EYS: variants seen among roughly 807,000 people sequenced by gnomAD.
EYS encodes protein eyes shut homolog.
In EYS, 250 loss-of-function variants were observed where a neutral mutation model predicts 282.1. That is an observed-to-expected ratio of 0.89 (90% CI 0.80 to 0.98). EYS has a LOEUF of 0.98. Ranked by LOEUF, EYS falls within the 50% of genes least tolerant of loss-of-function variation. The pLI is 0.00. For missense variants in EYS, 4,016 were observed against 3,709.0 expected (o/e 1.08, Z -2.15); for synonymous variants, 1,355 against 1,282.9 (o/e 1.06, Z -1.20).
Position 63,720,806 on chromosome 6 carries a change from G to A in EYS, c.9225C>T (p.Asn3075=). Residue 3075 remains asparagine, a synonymous_variant, in exon 43 of 43, where the codon AAC becomes AAT. Coordinates refer to ENST00000503581, the MANE Select transcript of EYS (RefSeq NM_001142800.2). Reference sequence around the variant, plus strand: ...TGCCATCATAGTTTAGAGCCACAAAGTTTTTATGTGGATCAATATCCTCGG... The same window carrying A: ...TGCCATCATAGTTTAGAGCCACAAAATTTTTATGTGGATCAATATCCTCGG... ...ILSEDIDPHK[N]FVALNYDGIC... 1.3e-6 allele frequency: 2 copies of A among 1,550,906 alleles called. No individual in the cohort carries two copies. Among genetic ancestry groups the A allele is most frequent in the Non-Finnish European group, 1.7e-6 (2 of 1,146,458 alleles).
chr6:65,153,780 A>T (rs1764672832), intron 12 of EYS, among the ~76,000 whole-genome samples: 1 of 151,812 alleles, frequency 6.6e-6, no homozygotes, highest in Admixed American at 6.6e-5. Context: ...TCATGTAAAA[A>T]TTCTTTAGAC....
chr6:65,597,782 G>A (rs999605151), intron 2 of EYS, among the ~76,000 whole-genome samples: 24 of 152,090 alleles, frequency 1.6e-4, no homozygotes, highest in Middle Eastern at 3.4e-3. Flanking sequence ...TTCCATTCAG[G>A]TGGAAGGTAC....
chr6:65,067,739 C>T (rs1239638278), intron 12 of EYS, among the ~76,000 whole-genome samples: 3 of 152,048 alleles, frequency 2.0e-5, no homozygotes, highest in African/African-American at 2.4e-5. Flanking sequence ...GACAGGATAA[C>T]GCAAAAGTAC....
chr6:65,333,211 C>T (rs1025411786), intron 11 of EYS, among the ~76,000 whole-genome samples: 4 of 151,456 alleles, frequency 2.6e-5, no homozygotes, highest in Admixed American at 6.6e-5. Flanking sequence ...CACTGCATCA[C>T]CCACATCCCA....
chr6:64,833,717 A>T (rs549417446), intron 19 of EYS, among the ~76,000 whole-genome samples: 1 of 152,036 alleles, frequency 6.6e-6, no homozygotes, highest in Non-Finnish European at 1.5e-5. Context: ...TTTAATTGCC[A>T]TTATTAGTTA....
In EYS at chr6:64,935,458, A is replaced by G. The variant is rs56884242; in HGVS notation, c.2381+10335T>C. 2.9e-3 allele frequency among the ~76,000 whole-genome samples: 435 copies of G among 151,866 alleles called. 3 individuals carry two copies. The highest frequency in any genetic ancestry group is 0.01 in the African/African-American group (417 of 41,526). On this transcript the variant is annotated intron_variant, in intron 15 of 42. Coordinates refer to ENST00000503581, the MANE Select transcript of EYS (RefSeq NM_001142800.2). ...TAAATTCATAGCAAAAGGAAGGAGA[A>G]CATAATGAAAATTAAAGCATAAATT... is the stretch of plus-strand genomic sequence containing the variant.
chr6:65,102,187 T>C (rs1774914269), intron 12 of EYS, among the ~76,000 whole-genome samples: 1 of 151,334 alleles, frequency 6.6e-6, no homozygotes, highest in Non-Finnish European at 1.5e-5. Flanking sequence ...CTTGTAAGAT[T>C]TTTGAAGATA....
intron 4 of EYS, among the ~76,000 whole-genome samples, chr6:65,494,063 T>C (rs1766140579): frequency 6.6e-6 from 1 of 152,142 alleles, no homozygotes; most frequent in Admixed American, 6.5e-5. Context: ...TCTTATGTTT[T>C]AATGTATGAG....
At chr6:65,399,244 T>A (rs1766404289) in intron 7 of EYS, among the ~76,000 whole-genome samples, 1 of 152,004 alleles carries the variant, frequency 6.6e-6, no homozygotes, top group African/African-American at 2.4e-5. Context: ...TTGTTTGGCC[T>A]TTTTTATGGT....
chr6:65,363,994 G>C (rs1464270839), intron 8 of EYS, among the ~76,000 whole-genome samples: 1 of 150,042 alleles, frequency 6.7e-6, no homozygotes, highest in Non-Finnish European at 1.5e-5. Context: ...TTAATTATTG[G>C]GGCTTTATAA....
intron 12 of EYS, among the ~76,000 whole-genome samples, chr6:65,159,686 T>G (rs1764807332): frequency 6.6e-6 from 1 of 150,844 alleles, no homozygotes; most frequent in Non-Finnish European, 1.5e-5. Context: ...GCTAAGTCAC[T>G]TAACAACTCT....
chr6:65,244,088 T>C (rs1562046170), intron 12 of EYS, among the ~76,000 whole-genome samples: 1 of 152,126 alleles, frequency 6.6e-6, no homozygotes, highest in Non-Finnish European at 1.5e-5. Flanking sequence ...ATGGTTAGAG[T>C]TGAAATATAA....
Position 63,741,830 on chromosome 6 carries a change from C to T in EYS, c.8072-15150G>A, listed in dbSNP as rs1769082648. The T allele has an allele frequency of 2.5e-5, 17 of 668,978 alleles. 1 individual carries two copies. The highest frequency in any genetic ancestry group is 2.5e-4 in the South Asian group (16 of 63,888). The allele number at this position is 668,978 out of a possible 1,614,324, so 41.4% of individuals were successfully genotyped here. On this transcript the variant is annotated intron_variant, in intron 41 of 42. Transcript: ENST00000503581. ...AAGCTCCAATCCTTTTTCCACAGCT[C>T]ATCTGACTCAAATTTAGAAAGCTGT... is the stretch of plus-strand genomic sequence containing the variant.
rs528213004 is a variant in EYS, at chr6:65,532,799, G to A, written c.-332-36806C>T. On this transcript the variant is annotated intron_variant, in intron 2 of 42. Transcript: ENST00000503581. ...AACATTACCAACAGAAAAAAAATAT[G>A]GCAAGTATGTTTTTAGATAAACTAA... Among the ~76,000 whole-genome samples the A allele has an allele frequency of 7.5e-4, 114 of 152,066 alleles. 1 individual carries two copies. In the South Asian group the frequency reaches 0.023, roughly 31 times the overall value.
chr6:63,810,012 CG>C (rs1268068633), intron 36 of EYS, among the ~76,000 whole-genome samples: 2 of 149,090 alleles, frequency 1.3e-5, no homozygotes, highest in Non-Finnish European at 3.0e-5. Context: ...GAGGCCGAGG[CG>C]GGTGGATCAT....
rs1410495725 is a variant in EYS at position 64,822,753 on chromosome 6, T to C, written c.3062A>G (p.Asp1021Gly). 6.5e-7 allele frequency: 1 copy of C among 1,550,194 alleles called. No homozygotes were observed. The highest frequency in any genetic ancestry group is 8.7e-7 in the Non-Finnish European group (1 of 1,146,054). ...GTCACAGGTATAATGATTGATGCCA[T>C]CGATACAAACTCCATCATGGAGACA... ...EPCLHDGVCI[D>G]GINHYTCDCK... The change falls in exon 20 of 43, where the codon GAT (aspartate) becomes GGT (glycine). Residue 1021 changes from aspartate to glycine, a missense_variant. Physicochemically the swap from Asp to Gly is moderately conservative, Grantham distance 94. Transcript: ENST00000503581.
At chr6:64,588,715 T>A (rs1371784222) in intron 26 of EYS, among the ~76,000 whole-genome samples, 1 of 151,986 alleles carries the variant, frequency 6.6e-6, no homozygotes, top group Non-Finnish European at 1.5e-5. Context: ...CATATTAAAC[T>A]CTCCCCAAAT....
chr6:64,477,295 G>T (rs1357739782), intron 26 of EYS, among the ~76,000 whole-genome samples: 1 of 152,048 alleles, frequency 6.6e-6, no homozygotes, highest in Admixed American at 6.6e-5. Flanking sequence ...TAACCTGTTG[G>T]AGAATAAGCT....
chr6:63,942,661 C>G (rs1464452543), intron 35 of EYS, among the ~76,000 whole-genome samples: 1 of 152,032 alleles, frequency 6.6e-6, no homozygotes, highest in African/African-American at 2.4e-5. Flanking sequence ...GACATTGAAA[C>G]TAAAGCAAAC....
Sources: gnomAD v4.1 joint callset for allele counts (sites outside exome capture counted in the v4.1 genomes callset) on GRCh38, gnomAD v4.1.1 for gene constraint, MANE v1.5 for transcripts, NCBI Gene and HGNC (gene_info 2026-07-23, HGNC 2026-07-21) for gene names.